The following PIEZO2 variants were observed in gnomAD, a reference collection of about 807,000 sequenced individuals.
PIEZO2 encodes piezo-type mechanosensitive ion channel component 2.
In PIEZO2, 172 loss-of-function variants were observed where a neutral mutation model predicts 337.3. That is an observed-to-expected ratio of 0.51 (90% CI 0.45 to 0.58). The LOEUF is 0.58. Among genes scored for constraint, PIEZO2 ranks in the 20% least tolerant of loss-of-function variants. The pLI is 0.00. For synonymous variants in PIEZO2, 1,251 were observed against 1,228.5 expected (o/e 1.02, Z -0.38); for missense variants, 3,028 against 3,391.3 (o/e 0.89, Z 2.66).
rs1390298587 is a variant in PIEZO2, at chr18:10,699,090, T to C, written c.6529A>G (p.Arg2177Gly). Residue 2177 changes from arginine to glycine, a missense_variant, in exon 44 of 56, where the codon AGG becomes GGG. Coordinates refer to ENST00000674853, the MANE Select transcript of PIEZO2 (RefSeq NM_001378183.1). ...SDDELSLGHG[R>G]RDSSDSLKSI... is the part of the protein sequence containing the mutation. Reference sequence around the variant, plus strand: ...TTGAGAGAATCGGAGGAGTCCCTCCTGCCATGACCGAGGGAGAGCTCATCA... The same window carrying C: ...TTGAGAGAATCGGAGGAGTCCCTCCCGCCATGACCGAGGGAGAGCTCATCA... 1 of 1,537,118 alleles carries C rather than the reference T, an allele frequency of 6.5e-7. No homozygotes were observed. The highest frequency in any genetic ancestry group is 8.7e-7 in the Non-Finnish European group (1 of 1,146,910).
Position 10,903,521 on chromosome 18 carries a change from T to A in PIEZO2, c.329+7665A>T, listed in dbSNP as rs889395602. The stretch of plus-strand genomic sequence containing the variant: ...CCGTCTCTACCAAAAATAAAAAAAA[T>A]TAGCTGGGCATAGTGGCGCGCTCCT... On this transcript the variant is annotated intron_variant, in intron 4 of 55. Coordinates refer to ENST00000674853, the MANE Select transcript of PIEZO2 (RefSeq NM_001378183.1). The surrounding 1 kb of genome is among the most constrained non-coding windows in gnomAD (Gnocchi z 4.1). Among the ~76,000 whole-genome samples the A allele has an allele frequency of 6.6e-6, 1 of 152,014 alleles. No individual in the cohort carries two copies.
rs1322310832 is a variant in PIEZO2, at chr18:11,047,527, C to A, written c.160+18600G>T. On this transcript the variant is annotated intron_variant, in intron 2 of 55. Transcript: ENST00000674853. The surrounding 1 kb of genome is among the most constrained non-coding windows in gnomAD (Gnocchi z 7.2). Reference sequence around the variant, plus strand: ...TTGGAAATGAGAGCCACATCCACAACAAAGAGGAGGCAAAGCTTGGATAAG... The same window carrying A: ...TTGGAAATGAGAGCCACATCCACAAAAAAGAGGAGGCAAAGCTTGGATAAG... Among the ~76,000 whole-genome samples, 1 of 152,140 alleles carries A rather than the reference C, an allele frequency of 6.6e-6. No individual in the cohort carries two copies. The highest frequency in any genetic ancestry group is 1.5e-5 in the Non-Finnish European group (1 of 68,024).
intron 1 of PIEZO2, among the ~76,000 whole-genome samples, chr18:11,106,927 A>T (rs2039586247): frequency 6.6e-6 from 1 of 152,198 alleles, no homozygotes; most frequent in South Asian, 2.1e-4. Context: ...CGGCTGAGAA[A>T]CAAATAAGCT....
At chr18:10,825,536 T>C (rs1311970081) in intron 7 of PIEZO2, among the ~76,000 whole-genome samples, 1 of 147,326 alleles carries the variant, frequency 6.8e-6, no homozygotes, top group Admixed American at 6.8e-5. Context: ...TTTTCCACTT[T>C]CTTTCCTTTC....
chr18:10,843,562 A>T (rs1005374377), intron 7 of PIEZO2, among the ~76,000 whole-genome samples: 2 of 152,184 alleles, frequency 1.3e-5, no homozygotes, highest in African/African-American at 4.8e-5. Flanking sequence ...TTTGGAGCAA[A>T]TTTAGAAAAA....
chr18:11,140,986 A>T (rs1206815362), intron 1 of PIEZO2, among the ~76,000 whole-genome samples: 3 of 152,194 alleles, frequency 2.0e-5, no homozygotes, highest in Non-Finnish European at 2.9e-5. Flanking sequence ...TGACCCATGC[A>T]GATGAGTGCA....
At position 10,850,730 on chromosome 18, in the gene PIEZO2, AT is replaced by A. The variant is rs1171186181; in HGVS notation, c.917+4622del. The stretch of plus-strand genomic sequence containing the variant: ...AATAGTATGTGCAATATGATTCAAA[AT>A]TTGTTTGTAAAAAGTACCTATAGAC... On this transcript the variant is annotated intron_variant, in intron 7 of 55. Coordinates refer to ENST00000674853, the MANE Select transcript of PIEZO2 (RefSeq NM_001378183.1). This position sits in a 1 kb window ranked among gnomAD's most constrained non-coding sequence, Gnocchi z 4.5. 3.3e-5 allele frequency among the ~76,000 whole-genome samples: 5 copies of A among 152,204 alleles called. No individual in the cohort carries two copies. Among genetic ancestry groups the A allele is most frequent in the African/African-American group, 1.2e-4 (5 of 41,460 alleles).
chr18:11,065,489 A>G (rs931565778), intron 2 of PIEZO2, among the ~76,000 whole-genome samples: 9 of 152,250 alleles, frequency 5.9e-5, no homozygotes, highest in Non-Finnish European at 1.3e-4. Context: ...ATGTTTCCTA[A>G]TTAGAGCCTC....
intron 21 of PIEZO2, among the ~76,000 whole-genome samples, chr18:10,768,774 T>C (rs2038471492): frequency 6.6e-6 from 1 of 152,244 alleles, no homozygotes; most frequent in African/African-American, 2.4e-5. Flanking sequence ...AACAAGTTTA[T>C]GTCTGGGGAC....
intron 2 of PIEZO2, among the ~76,000 whole-genome samples, chr18:11,006,916 C>G (rs1051774675): frequency 6.6e-6 from 1 of 152,020 alleles, no homozygotes; most frequent in African/African-American, 2.4e-5. Context: ...AATAGTTTGA[C>G]ATTTTTATCA....
In PIEZO2 at chr18:10,726,723, T is replaced by C; in HGVS notation, c.5029+4684A>G. On this transcript the variant is annotated intron_variant, in intron 36 of 55. Transcript: ENST00000674853. This position sits in a 1 kb window ranked among gnomAD's most constrained non-coding sequence, Gnocchi z 5.9. Reference sequence around the variant, plus strand: ...TGTACCTGAACGGCATCCTGTGCATTCTGGGACATCGCCAGACCATCGATT... The same window carrying C: ...TGTACCTGAACGGCATCCTGTGCATCCTGGGACATCGCCAGACCATCGATT... 1 of 1,440,494 alleles carries C rather than the reference T, an allele frequency of 6.9e-7. No individual in the cohort carries two copies. The highest frequency in any genetic ancestry group is 9.7e-7 in the Non-Finnish European group (1 of 1,027,916). The allele number at this position is 1,440,494 out of a possible 1,614,324, so 89.2% of individuals were successfully genotyped here.
At chr18:10,897,488 C>G (rs1226988999) in intron 4 of PIEZO2, among the ~76,000 whole-genome samples, 1 of 152,134 alleles carries the variant, frequency 6.6e-6, no homozygotes, top group Non-Finnish European at 1.5e-5. Context: ...CACACCCGGC[C>G]CAGATCTGAT....
chr18:10,698,012 C>CGGATGCATTTTTGAACAATTACTGA, intron 44 of PIEZO2, 132 bp from the exon 45 acceptor site: 1 of 1,062,346 alleles, frequency 9.4e-7, no homozygotes, highest in Non-Finnish European at 1.3e-6. Context: ...TGAGTATGCA[C>CGGATGCATTTTTGAACAATTACTGA]GGCCTTGGGA....
intron 2 of PIEZO2, among the ~76,000 whole-genome samples, chr18:11,004,872 C>T (rs1346348172): frequency 6.6e-6 from 1 of 152,232 alleles, no homozygotes; most frequent in Non-Finnish European, 1.5e-5. Flanking sequence ...TGTGACCAGA[C>T]TGTAAGCTTC....
intron 1 of PIEZO2, among the ~76,000 whole-genome samples, chr18:11,121,887 T>C (rs963602239): frequency 2.0e-5 from 3 of 152,234 alleles, no homozygotes; most frequent in Non-Finnish European, 4.4e-5. Context: ...AGTTCAATTC[T>C]CATGTGAATT....
chr18:10,791,442 T>G, intron 13 of PIEZO2, 118 bp from the exon 14 acceptor site: 1 of 1,179,210 alleles, frequency 8.5e-7, no homozygotes, highest in Non-Finnish European at 1.1e-6. Flanking sequence ...AACCTTTTTA[T>G]TGGAGACAGA....
rs1431777412 is a variant in PIEZO2 at position 10,676,383 on chromosome 18, G to A, written c.8082-1095C>T. Among the ~76,000 whole-genome samples the A allele has an allele frequency of 6.6e-6, 1 of 152,132 alleles. No individual in the cohort carries two copies. On this transcript the variant is annotated intron_variant, in intron 53 of 55. Transcript: ENST00000674853. The surrounding 1 kb of genome is among the most constrained non-coding windows in gnomAD (Gnocchi z 5.1). ...CACTGGTGGATGCCTGAACTATTTT[G>A]TTTAGCAGTTTTAGATCCATATCAT...
intron 3 of PIEZO2, among the ~76,000 whole-genome samples, chr18:10,966,380 C>T (rs1468819693): frequency 1.3e-5 from 2 of 152,224 alleles, no homozygotes; most frequent in East Asian, 3.9e-4. Flanking sequence ...CCACAGCCTG[C>T]ACAACAGTTT....
intron 4 of PIEZO2, among the ~76,000 whole-genome samples, chr18:10,883,463 C>A (rs2042481351): frequency 6.6e-6 from 1 of 151,972 alleles, no homozygotes; most frequent in South Asian, 2.1e-4. Flanking sequence ...CTTGAACTTA[C>A]AAATAAAAAC....
Sources: allele counts gnomAD v4.1 joint callset (sites outside exome capture counted in the v4.1 genomes callset), GRCh38; gene constraint gnomAD v4.1.1; non-coding constraint Gnocchi (gnomAD v3.1); transcripts MANE v1.5; gene names NCBI Gene and HGNC (gene_info 2026-07-23, HGNC 2026-07-21).